The following IKZF3 variants were observed in gnomAD, a reference collection of about 807,000 sequenced individuals.
The protein encoded by IKZF3 is zinc finger protein Aiolos.
Under a neutral mutation model 49.0 loss-of-function variants are expected in IKZF3, and 10 were observed. That is an observed-to-expected ratio of 0.20 (90% confidence interval 0.13 to 0.35). The LOEUF (loss-of-function observed/expected upper bound fraction) is 0.35, where lower values mean the gene tolerates loss of function less well. IKZF3 is among the 10% of genes least tolerant of loss of function. The probability of loss-of-function intolerance (pLI) is 1.00; values close to 1 mark genes in which losing one functional copy is unlikely to be tolerated. For synonymous variants in IKZF3, 209 were observed against 228.2 expected, an observed-to-expected ratio of 0.92 and a Z score of 0.76; for missense variants, 498 against 664.8, an observed-to-expected ratio of 0.75 and a Z score of 2.76.
chr17:39,803,756 G>T (rs928294571), intron 3 of IKZF3, among the ~76,000 whole-genome samples: 5 of 151,962 alleles, frequency 3.3e-5, no homozygotes, highest in South Asian at 2.1e-4. Context: ...CAGATGATCC[G>T]CCCACCTCGG....
chr17:39,796,706 ATTTTTTTAATTTT>A (rs967591059), intron 3 of IKZF3, among the ~76,000 whole-genome samples: 5 of 148,938 alleles, frequency 3.4e-5, no homozygotes, highest in African/African-American at 1.2e-4. Context: ...ACACCTGGCT[ATTTTTTTAATTTT>A]TTTTTTTTAG....
chr17:39,851,209 T>G (rs2062865072), intron 1 of IKZF3, among the ~76,000 whole-genome samples: 1 of 151,692 alleles, frequency 6.6e-6, no homozygotes, highest in African/African-American at 2.4e-5. Flanking sequence ...TACTTTTTCT[T>G]GTAGAGATGG....
chr17:39,831,321 C>A (rs2062102471), intron 2 of IKZF3, among the ~76,000 whole-genome samples: 1 of 151,702 alleles, frequency 6.6e-6, no homozygotes, highest in Admixed American at 6.6e-5. Flanking sequence ...TTGTGGTGAG[C>A]CGAGATCACA....
At chr17:39,771,881 A>G (rs565073375) in intron 7 of IKZF3, among the ~76,000 whole-genome samples, 1 of 150,766 alleles carries the variant, frequency 6.6e-6, no homozygotes, top group Admixed American at 6.6e-5. Flanking sequence ...CTGGGACCAC[A>G]GGCCCATGCC....
At chr17:39,840,529 T>C (rs759427990) in intron 1 of IKZF3, among the ~76,000 whole-genome samples, 20 of 152,280 alleles carry the variant, frequency 1.3e-4, no homozygotes, top group Admixed American at 2.0e-4. Context: ...TTGTTCTTTA[T>C]TTTGACTGTG....
At chr17:39,852,396 T>C (rs145594431) in intron 1 of IKZF3, among the ~76,000 whole-genome samples, 3 of 152,172 alleles carry the variant, frequency 2.0e-5, no homozygotes, top group Non-Finnish European at 2.9e-5. Flanking sequence ...CACTAGCAAG[T>C]GTTATGTTGC....
At chr17:39,816,207 T>G (rs1189401968) in intron 3 of IKZF3, among the ~76,000 whole-genome samples, 1 of 152,248 alleles carries the variant, frequency 6.6e-6, no homozygotes, top group Non-Finnish European at 1.5e-5. Flanking sequence ...GTCTAATTAA[T>G]TTATGTAAAT....
intron 1 of IKZF3, among the ~76,000 whole-genome samples, chr17:39,840,643 T>G (rs967058886): frequency 2.0e-5 from 3 of 152,272 alleles, no homozygotes; most frequent in Non-Finnish European, 4.4e-5. Flanking sequence ...ATAGTCATAT[T>G]GTATTCTAAT....
intron 1 of IKZF3, among the ~76,000 whole-genome samples, chr17:39,843,854 C>T (rs568072407): frequency 6.6e-6 from 1 of 150,648 alleles, no homozygotes; most frequent in Non-Finnish European, 1.5e-5. Context: ...GTGATCAGGT[C>T]ACATGAATGT....
In IKZF3 at chr17:39,829,381, G is replaced by A; in HGVS notation, c.163+6C>T. ...ATCAGTGTTTAGTCTGCACACTACG[G>A]CTCACCTCCTATGTCTTCATCTTCA... On this transcript the variant is annotated splice_donor_region_variant and intron_variant, in intron 3 of 7. Transcript: ENST00000346872. 1 of 1,600,834 alleles carries A rather than the reference G, an allele frequency of 6.2e-7. No individual in the cohort carries two copies. The highest frequency in any genetic ancestry group is 8.6e-7 in the Non-Finnish European group (1 of 1,168,050).
rs775988511 is a variant in IKZF3, at chr17:39,765,928, A to G, written c.1392T>C (p.Tyr464=). 5 of 1,614,256 alleles carry G rather than the reference A, an allele frequency of 3.1e-6. No individual in the cohort carries two copies. The highest frequency in any genetic ancestry group is 4.2e-6 in the Non-Finnish European group (5 of 1,180,038). ...CDHCRVLFLD[Y]VMFTIHMGCH... is the part of the protein sequence containing the mutation. ...AGCCCATGTGAATCGTGAACATCACATAGTCCAGGAAGAGGACGCGGCAGT... is the reference window on the plus strand; with the variant it reads ...AGCCCATGTGAATCGTGAACATCACGTAGTCCAGGAAGAGGACGCGGCAGT... The change falls in exon 8 of 8, where the codon TAT becomes TAC. Residue 464 remains tyrosine, a synonymous_variant. Coordinates refer to ENST00000346872, the MANE Select transcript of IKZF3 (RefSeq NM_012481.5).
chr17:39,838,993 C>T (rs550890307), intron 1 of IKZF3, among the ~76,000 whole-genome samples: 38 of 152,188 alleles, frequency 2.5e-4, no homozygotes, highest in Non-Finnish European at 5.3e-4. Context: ...GCCACCACAT[C>T]TGGCTCTTAA....
rs558153375 is a variant in IKZF3 at position 39,811,473 on chromosome 17, GA to G, written c.163+17913del. 2.4e-3 allele frequency among the ~76,000 whole-genome samples: 361 copies of G among 152,094 alleles called. 1 individual carries two copies. Among genetic ancestry groups the G allele is most frequent in the African/African-American group, 8.4e-3 (348 of 41,500 alleles). On this transcript the variant is annotated intron_variant, in intron 3 of 7. Transcript: ENST00000346872. ...GAAAGAAAGAAAGGAAGAAAGAAAA[GA>G]AAAAGCAAGCAAGCTCAATGGCAGC...
intron 3 of IKZF3, among the ~76,000 whole-genome samples, chr17:39,817,705 T>C (rs752715596): frequency 6.6e-6 from 1 of 152,254 alleles, no homozygotes; most frequent in Non-Finnish European, 1.5e-5. Flanking sequence ...TACATTCTAT[T>C]ACTTTTATAA....
chr17:39,842,048 A>C (rs576789028), intron 1 of IKZF3, among the ~76,000 whole-genome samples: 243 of 148,144 alleles, frequency 1.6e-3, no homozygotes, highest in African/African-American at 5.5e-3. Context: ...AAAAAAAAAA[A>C]AAAAAAAAAA....
intron 1 of IKZF3, among the ~76,000 whole-genome samples, chr17:39,851,748 A>G (rs1467888671): frequency 6.6e-6 from 1 of 152,172 alleles, no homozygotes; most frequent in East Asian, 1.9e-4. Flanking sequence ...TAAAGGTGAA[A>G]AATAATCAAG....
Position 39,762,106 on chromosome 17 carries a change from C to T in IKZF3, c.*3684G>A, listed in dbSNP as rs1597926603. On this transcript the variant is annotated 3_prime_UTR_variant, in exon 8 of 8. Transcript: ENST00000346872. ...GTGGGAAATGAAGGAGAGGGGCCTA[C>T]AAGGCTCTTGTTCAGAGGGAGTCTG... 2 of 152,388 alleles carry T rather than the reference C, an allele frequency of 1.3e-5. No homozygotes were observed. Among genetic ancestry groups the T allele is most frequent in the East Asian group, 3.9e-4 (2 of 5,178 alleles). 9.4% of individuals were successfully genotyped at this position (152,388 alleles called of 1,614,324 possible). A position where few individuals can be genotyped will look rare whatever the true frequency, so the allele number is the denominator to read the frequency against.
At chr17:39,782,485 C>T (rs1250041949) in intron 6 of IKZF3, among the ~76,000 whole-genome samples, 1 of 152,062 alleles carries the variant, frequency 6.6e-6, no homozygotes, top group Non-Finnish European at 1.5e-5. Flanking sequence ...TTTGGGATTA[C>T]TGAGTGGTTT....
intron 1 of IKZF3, among the ~76,000 whole-genome samples, chr17:39,860,065 T>C (rs2063173570): frequency 6.6e-6 from 1 of 152,092 alleles, no homozygotes; most frequent in African/African-American, 2.4e-5. Flanking sequence ...GACCCCCATT[T>C]CTACAAAAAA....
Sources: allele counts gnomAD v4.1 joint callset (sites outside exome capture counted in the v4.1 genomes callset), GRCh38; gene constraint gnomAD v4.1.1; transcripts MANE v1.5; gene names NCBI Gene and HGNC (gene_info 2026-07-23, HGNC 2026-07-21).